KCNH8: variants seen among roughly 807,000 people sequenced by gnomAD.
The protein encoded by KCNH8 is voltage-gated delayed rectifier potassium channel KCNH8.
KCNH8 carries 70 observed loss-of-function variants against 103.6 expected under a neutral mutation model. The observed-to-expected ratio is 0.68, with a 90% confidence interval of 0.56 to 0.82. KCNH8 has a LOEUF of 0.82. Ranked by LOEUF, KCNH8 falls within the 40% of genes least tolerant of loss-of-function variation. The pLI, the probability that KCNH8 is intolerant of heterozygous loss-of-function variation, is 0.00. For missense variants in KCNH8, 1,217 were observed against 1,329.9 expected, an observed-to-expected ratio of 0.92 and a Z score of 1.32; for synonymous variants, 498 against 489.4, an observed-to-expected ratio of 1.02 and a Z score of -0.23.
intron 5 of KCNH8, among the ~76,000 whole-genome samples, chr3:19,384,658 A>G (rs1259013280): frequency 6.6e-6 from 1 of 152,208 alleles, no homozygotes; most frequent in African/African-American, 2.4e-5. Context: ...TTTAAATTTT[A>G]TAACATCAAG....
chr3:19,418,206 A>G (rs2066892231), intron 7 of KCNH8, among the ~76,000 whole-genome samples: 1 of 152,180 alleles, frequency 6.6e-6, no homozygotes, highest in Admixed American at 6.5e-5. Context: ...CTCACAGTGT[A>G]TTTGAGGAAT....
rs187690607 is a variant in KCNH8, at chr3:19,381,950, A to T, written c.812-8531A>T. Among the ~76,000 whole-genome samples the T allele has an allele frequency of 1.1e-3, 173 of 152,306 alleles. 1 individual carries two copies. Among genetic ancestry groups the T allele is most frequent in the Admixed American group, 2.2e-3 (33 of 15,284 alleles). The stretch of plus-strand genomic sequence containing the variant: ...ACCAGGACAGTGGTTATATTTTGAA[A>T]GTTAATGGCTAGACAGGATCATAAA... On this transcript the variant is annotated intron_variant, in intron 5 of 15. Coordinates refer to ENST00000328405, the MANE Select transcript of KCNH8 (RefSeq NM_144633.3).
chr3:19,510,221 C>A, intron 11 of KCNH8, 142 bp from the exon 12 acceptor site: 1 of 640,654 alleles, frequency 1.6e-6, no homozygotes, highest in African/African-American at 1.8e-5. Flanking sequence ...CTGGCCTGCA[C>A]AGGTAGATCC....
At chr3:19,354,010 T>G (rs894015214) in intron 5 of KCNH8, among the ~76,000 whole-genome samples, 3 of 152,208 alleles carry the variant, frequency 2.0e-5, no homozygotes, top group African/African-American at 7.2e-5. Flanking sequence ...AAAATCTCGT[T>G]AAGCTGATAA....
intron 11 of KCNH8, among the ~76,000 whole-genome samples, chr3:19,484,413 TTACTA>T (rs1291105761): frequency 6.6e-6 from 1 of 152,218 alleles, no homozygotes; most frequent in African/African-American, 2.4e-5. Context: ...GTGGAAGTTT[TTACTA>T]TACAAGTCCA....
intron 2 of KCNH8, among the ~76,000 whole-genome samples, chr3:19,277,910 C>T (rs553327692): frequency 4.6e-5 from 7 of 152,144 alleles, no homozygotes; most frequent in East Asian, 1.9e-4. Flanking sequence ...TTAAAATTCT[C>T]ATGAAATGTC....
At chr3:19,493,879 G>T (rs555608608) in intron 11 of KCNH8, among the ~76,000 whole-genome samples, 22 of 152,154 alleles carry the variant, frequency 1.4e-4, no homozygotes, top group Non-Finnish European at 2.6e-4. Context: ...AGGTTCAGGG[G>T]TACATGTGCA....
At chr3:19,308,644 G>T (rs1404966328) in intron 3 of KCNH8, among the ~76,000 whole-genome samples, 1 of 124,276 alleles carries the variant, frequency 8.0e-6, no homozygotes, top group Admixed American at 8.9e-5. Context: ...CCCTGTGAAT[G>T]TTGGGGTCTC....
intron 1 of KCNH8, among the ~76,000 whole-genome samples, chr3:19,246,988 A>G (rs2064214816): frequency 6.6e-6 from 1 of 152,138 alleles, no homozygotes; most frequent in African/African-American, 2.4e-5. Flanking sequence ...GCTTTCTACT[A>G]CTACCTCAGC....
At chr3:19,248,238 T>A (rs1173247533) in intron 1 of KCNH8, among the ~76,000 whole-genome samples, 1 of 152,170 alleles carries the variant, frequency 6.6e-6, no homozygotes, top group African/African-American at 2.4e-5. Context: ...AGTGGGAAAC[T>A]TTTAAGTATT....
At position 19,272,746 on chromosome 3, in the gene KCNH8, T is replaced by C. The variant is rs554782413; in HGVS notation, c.311-8452T>C. ...TTAAGAATGTCATGCTACAATCCTA[T>C]AGCCTCTTCTCCCACACTTTCCTAC... On this transcript the variant is annotated intron_variant, in intron 2 of 15. Coordinates refer to ENST00000328405, the MANE Select transcript of KCNH8 (RefSeq NM_144633.3). Among the ~76,000 whole-genome samples the C allele has an allele frequency of 6.8e-4, 103 of 152,286 alleles. 1 individual carries two copies. Among genetic ancestry groups the C allele is most frequent in the Middle Eastern group, 3.4e-3 (1 of 294 alleles).
At chr3:19,159,581 A>C (rs758517810) in intron 1 of KCNH8, among the ~76,000 whole-genome samples, 2 of 152,048 alleles carry the variant, frequency 1.3e-5, no homozygotes, top group Non-Finnish European at 2.9e-5. Flanking sequence ...GCAGATCTCC[A>C]GTTCTTATAG....
At chr3:19,531,665 C>T (rs1035414991) in intron 15 of KCNH8, among the ~76,000 whole-genome samples, 1 of 152,196 alleles carries the variant, frequency 6.6e-6, no homozygotes, top group African/African-American at 2.4e-5. Flanking sequence ...TGAGCAGTGT[C>T]ACCTCCCGAT....
At chr3:19,349,884 C>A (rs60437431) in intron 5 of KCNH8, among the ~76,000 whole-genome samples, 2 of 152,072 alleles carry the variant, frequency 1.3e-5, no homozygotes, top group South Asian at 4.1e-4. Context: ...GTAGGCAATA[C>A]CCATCCCTTA....
chr3:19,484,107 C>G (rs2068150274), intron 11 of KCNH8, among the ~76,000 whole-genome samples: 2 of 152,052 alleles, frequency 1.3e-5, no homozygotes, highest in Non-Finnish European at 2.9e-5. Context: ...CACCCCCTTT[C>G]TTTTGTTCTG....
intron 5 of KCNH8, among the ~76,000 whole-genome samples, chr3:19,373,819 C>T (rs1032318945): frequency 1.3e-4 from 20 of 151,882 alleles, no homozygotes; most frequent in Non-Finnish European, 2.8e-4. Context: ...TCTTTGTTCT[C>T]GTTGGTTTCA....
At chr3:19,254,256 A>G (rs1202646565) in intron 2 of KCNH8, among the ~76,000 whole-genome samples, 1 of 152,208 alleles carries the variant, frequency 6.6e-6, no homozygotes, top group Admixed American at 6.5e-5. Context: ...CTCAAATTTT[A>G]TGCCTTTAAA....
chr3:19,241,584 C>A (rs2064141830), intron 1 of KCNH8, among the ~76,000 whole-genome samples: 1 of 152,118 alleles, frequency 6.6e-6, no homozygotes, highest in East Asian at 1.9e-4. Flanking sequence ...CATGAAAAGA[C>A]AATTTTGTAA....
intron 5 of KCNH8, among the ~76,000 whole-genome samples, chr3:19,350,903 C>T (rs533279930): frequency 2.2e-4 from 34 of 152,098 alleles, no homozygotes; most frequent in Admixed American, 4.6e-4. Flanking sequence ...TGAGAGAAGA[C>T]GGCTTCAGAC....
Sources: allele counts gnomAD v4.1 joint callset (sites outside exome capture counted in the v4.1 genomes callset), GRCh38; gene constraint gnomAD v4.1.1; transcripts MANE v1.5; gene names NCBI Gene and HGNC (gene_info 2026-07-23, HGNC 2026-07-21).